Variants in DCLRE1A observed in about 807,000 individuals in gnomAD.
DCLRE1A encodes the protein DNA cross-link repair 1A protein.
Under a neutral mutation model 91.9 loss-of-function variants are expected in DCLRE1A, and 64 were observed. The ratio of observed to expected loss-of-function variants is 0.70; its 90% CI spans 0.57 to 0.86. The LOEUF (loss-of-function observed/expected upper bound fraction) is 0.86. Among genes scored for constraint, DCLRE1A ranks in the 40% least tolerant of loss-of-function variants. The probability of loss-of-function intolerance (pLI) is 0.00; values close to 1 mark genes in which losing one functional copy is unlikely to be tolerated. For synonymous variants in DCLRE1A, 416 were observed against 431.1 expected, an observed-to-expected ratio of 0.96 and a Z score of 0.43; for missense variants, 1,145 against 1,213.3, an observed-to-expected ratio of 0.94 and a Z score of 0.84.
intron 4 of DCLRE1A, among the ~76,000 whole-genome samples, chr10:113,844,889 C>T (rs1423861372): frequency 1.3e-5 from 2 of 150,616 alleles, no homozygotes; most frequent in Non-Finnish European, 2.9e-5. Context: ...TGAGCTGAGG[C>T]TGTGCCATTG....
At chr10:113,840,671 C>T (rs1593071510) in intron 7 of DCLRE1A, among the ~76,000 whole-genome samples, 1 of 152,220 alleles carries the variant, frequency 6.6e-6, no homozygotes, top group South Asian at 2.1e-4. Context: ...ATGCTCTAGT[C>T]TTCCTGTCTC....
chr10:113,842,253 A>G (rs1339378767), intron 6 of DCLRE1A, 90 bp downstream of exon 6: 1 of 1,105,370 alleles, frequency 9.0e-7, no homozygotes, highest in East Asian at 2.7e-5. Context: ...ATAATTATCA[A>G]ATGCAAGAGT....
rs1193567588 is a variant in DCLRE1A, at chr10:113,853,287, A to G, written c.-105T>C. Reference sequence around the variant, plus strand: ...TAGAATTATTTTGCTGAGAAAAAAAACAAAGGTAACAAAACCCCCACCAAC... The same window carrying G: ...TAGAATTATTTTGCTGAGAAAAAAAGCAAAGGTAACAAAACCCCCACCAAC... On this transcript the variant is annotated 5_prime_UTR_variant, in exon 1 of 9. Coordinates refer to ENST00000361384, the MANE Select transcript of DCLRE1A (RefSeq NM_014881.5). 2.7e-6 allele frequency: 3 copies of G among 1,125,726 alleles called. No individual in the cohort carries two copies. Among genetic ancestry groups the G allele is most frequent in the Non-Finnish European group, 3.6e-6 (3 of 824,182 alleles). 69.7% of individuals were successfully genotyped at this position (1,125,726 alleles called of 1,614,324 possible). A position where few individuals can be genotyped will look rare whatever the true frequency, so the allele number is the denominator to read the frequency against.
rs1220948405 is a variant in DCLRE1A at position 113,853,209 on chromosome 10, G to A, written c.-27C>T. 1.3e-6 allele frequency: 2 copies of A among 1,491,120 alleles called. No individual in the cohort carries two copies. The highest frequency in any genetic ancestry group is 1.4e-5 in the African/African-American group (1 of 71,328). 92.4% of individuals were successfully genotyped at this position (1,491,120 alleles called of 1,614,324 possible). On this transcript the variant is annotated 5_prime_UTR_variant, in exon 1 of 9. Coordinates refer to ENST00000361384, the MANE Select transcript of DCLRE1A (RefSeq NM_014881.5). ...GCAAAATGATTTTATCATTCAAGAA[G>A]TATTAATCTTAAGTAAACTGAAAGT...
Position 113,850,659 on chromosome 10 carries a change from A to G in DCLRE1A, c.461-15T>C. 6.4e-7 allele frequency: 1 copy of G among 1,554,152 alleles called. No homozygotes were observed. Among genetic ancestry groups the G allele is most frequent in the Admixed American group, 2.0e-5 (1 of 50,706 alleles). On this transcript the variant is annotated splice_polypyrimidine_tract_variant and intron_variant, in intron 1 of 8. Coordinates refer to ENST00000361384, the MANE Select transcript of DCLRE1A (RefSeq NM_014881.5). Reference sequence around the variant, plus strand: ...ATCAGGACACTCTGAAATTTTAATAAAGAAAAAATATTACACGATCAAAGC... The same window carrying G: ...ATCAGGACACTCTGAAATTTTAATAGAGAAAAAATATTACACGATCAAAGC...
At chr10:113,848,239 C>G (rs1845573834) in intron 2 of DCLRE1A, among the ~76,000 whole-genome samples, 1 of 151,888 alleles carries the variant, frequency 6.6e-6, no homozygotes, top group East Asian at 1.9e-4. Context: ...ATGGCATGAA[C>G]TCGGGAGGTG....
rs1287758100 is a variant in DCLRE1A, at chr10:113,853,646, C to A, written c.-464G>T. The A allele has an allele frequency of 6.4e-6, 1 of 155,146 alleles. No individual in the cohort carries two copies. Among genetic ancestry groups the A allele is most frequent in the East Asian group, 1.9e-4 (1 of 5,262 alleles). The allele number at this position is 155,146 out of a possible 1,614,324, so 9.6% of individuals were successfully genotyped here. A position where few individuals can be genotyped will look rare whatever the true frequency, so the allele number is the denominator to read the frequency against. On this transcript the variant is annotated 5_prime_UTR_variant, in exon 1 of 9. Coordinates refer to ENST00000361384, the MANE Select transcript of DCLRE1A (RefSeq NM_014881.5). ...CCGTCCAAATAATTCATAAATCCAA[C>A]CACAGTCCCTGGACAAAGGGCTTAA... is the stretch of plus-strand genomic sequence containing the variant.
chr10:113,851,322 T>C (rs1262042331), intron 1 of DCLRE1A, among the ~76,000 whole-genome samples: 1 of 152,228 alleles, frequency 6.6e-6, no homozygotes, highest in Non-Finnish European at 1.5e-5. Context: ...AAGAGTTGTT[T>C]TTTTTCTGTA....
In DCLRE1A at chr10:113,850,652, T is replaced by C. The variant is rs765985308; in HGVS notation, c.461-8A>G. 4 of 1,563,560 alleles carry C rather than the reference T, an allele frequency of 2.6e-6. No individual in the cohort carries two copies. The highest frequency in any genetic ancestry group is 3.5e-6 in the Non-Finnish European group (4 of 1,155,368). ...GAAGACCATCAGGACACTCTGAAAT[T>C]TTAATAAAGAAAAAATATTACACGA... On this transcript the variant is annotated splice_region_variant and splice_polypyrimidine_tract_variant and intron_variant, in intron 1 of 8. Coordinates refer to ENST00000361384, the MANE Select transcript of DCLRE1A (RefSeq NM_014881.5).
At chr10:113,848,414 A>G (rs1329567651) in intron 2 of DCLRE1A, among the ~76,000 whole-genome samples, 1 of 152,206 alleles carries the variant, frequency 6.6e-6, no homozygotes, top group Non-Finnish European at 1.5e-5. Flanking sequence ...ACATAAATAC[A>G]TTGAACAAAT....
Position 113,850,494 on chromosome 10 carries a change from C to G in DCLRE1A, c.611G>C (p.Gly204Ala), listed in dbSNP as rs149405730. ...TCTTTCCTCAAGGCTACAAAGGACGCCTGACTTAGTCTCACTGAAACTGCC... is the reference window on the plus strand; with the variant it reads ...TCTTTCCTCAAGGCTACAAAGGACGGCTGACTTAGTCTCACTGAAACTGCC... ...SGGSFSETKS[G>A]VLCSLEERWS... The change falls in exon 2 of 9, where the codon GGC (glycine) becomes GCC (alanine). Residue 204 changes from glycine (G) to alanine (A), a missense_variant. Transcript: ENST00000361384. 8.7e-6 allele frequency: 14 copies of G among 1,614,078 alleles called. No homozygotes were observed. Among genetic ancestry groups the G allele is most frequent in the Non-Finnish European group, 1.0e-5 (12 of 1,179,968 alleles).
Position 113,849,324 on chromosome 10 carries a change from T to C in DCLRE1A, c.1781A>G (p.Lys594Arg), listed in dbSNP as rs749976175. ...NLNPVPSPNQKRSSQCKRKAE... is the reference protein window; with the variant it reads ...NLNPVPSPNQRRSSQCKRKAE... ...TTTCCTCTTGCACTGCGAGGACCTC[T>C]TTTGATTAGGACTTGGAACTGGATT... The change falls in exon 2 of 9, where the codon AAG (lysine) becomes AGG (arginine). Residue 594 changes from lysine (K) to arginine (R), a missense_variant. By Grantham distance (26) the Lys-to-Arg change is conservative (BLOSUM62 2). Coordinates refer to ENST00000361384, the MANE Select transcript of DCLRE1A (RefSeq NM_014881.5). The C allele has an allele frequency of 6.3e-5, 101 of 1,614,092 alleles. No homozygotes were observed. The highest frequency in any genetic ancestry group is 8.6e-5 in the Non-Finnish European group (101 of 1,180,044).
chr10:113,848,909 A>C lies in DCLRE1A; in HGVS notation c.2125+71T>G. The C allele has an allele frequency of 3.5e-6, 5 of 1,411,556 alleles. No homozygotes were observed. In the South Asian group the frequency reaches 6.8e-5, roughly 19 times the overall value. 87.4% of individuals were successfully genotyped at this position (1,411,556 alleles called of 1,614,324 possible). Reference sequence around the variant, plus strand: ...TTGTCTCATACACACACACACACACAATGGGCAATAAACACAAAGTTCAAA... The same window carrying C: ...TTGTCTCATACACACACACACACACCATGGGCAATAAACACAAAGTTCAAA... On this transcript the variant is annotated intron_variant, in intron 2 of 8. Coordinates refer to ENST00000361384, the MANE Select transcript of DCLRE1A (RefSeq NM_014881.5).
chr10:113,847,422 T>C, intron 2 of DCLRE1A, 87 bp from the exon 3 acceptor site: 2 of 1,396,480 alleles, frequency 1.4e-6, no homozygotes, highest in Non-Finnish European at 1.9e-6. Context: ...CTCTATCCTC[T>C]TTACCTCTTA....
intron 2 of DCLRE1A, among the ~76,000 whole-genome samples, chr10:113,848,672 C>T (rs1226839318): frequency 1.3e-5 from 2 of 152,162 alleles, no homozygotes. Flanking sequence ...TGCCTTTCCT[C>T]CTTTCATATT....
intron 4 of DCLRE1A, 106 bp from the exon 5 acceptor site, chr10:113,844,350 T>A: frequency 7.1e-7 from 1 of 1,408,770 alleles, no homozygotes; most frequent in South Asian, 1.4e-5. Context: ...CTGACCACAA[T>A]GACATAGCAT....
intron 3 of DCLRE1A, among the ~76,000 whole-genome samples, chr10:113,846,846 C>A (rs1035232286): frequency 8.6e-5 from 13 of 151,802 alleles, no homozygotes; most frequent in Admixed American, 5.2e-4. Context: ...TGAATCTTTT[C>A]GGTTGCGGTT....
In DCLRE1A at chr10:113,842,483, C is replaced by T. The variant is rs1425571946; in HGVS notation, c.2525G>A (p.Cys842Tyr). The stretch of plus-strand genomic sequence containing the variant: ...AGATGGAAAGGTGTATTCTGGGCTA[C>T]AATATCTGTGGTATGGAAACATGGT... ...VHMLYLDTTY[C>Y]SPEYTFPSQQ... The change falls in exon 6 of 9, where the codon TGT (cysteine) becomes TAT (tyrosine). Residue 842 changes from cysteine to tyrosine, a missense_variant. Coordinates refer to ENST00000361384, the MANE Select transcript of DCLRE1A (RefSeq NM_014881.5). 6.2e-7 allele frequency: 1 copy of T among 1,611,874 alleles called. No homozygotes were observed. The highest frequency in any genetic ancestry group is 1.7e-5 in the Admixed American group (1 of 59,962).
Position 113,853,451 on chromosome 10 carries a change from A to G in DCLRE1A, c.-269T>C. 1 of 331,936 alleles carries G rather than the reference A, an allele frequency of 3.0e-6. No homozygotes were observed. The highest frequency in any genetic ancestry group is 6.7e-5 in the South Asian group (1 of 14,988). The allele number at this position is 331,936 out of a possible 1,614,324, so 20.6% of individuals were successfully genotyped here. The stretch of plus-strand genomic sequence containing the variant: ...AGGAGTAGCAACTGTGAAGTTCTCC[A>G]TTATGGGTGCTATTTCATTCAAATA... On this transcript the variant is annotated 5_prime_UTR_variant, in exon 1 of 9. An upstream start codon of the reference 5' UTR is lost. Coordinates refer to ENST00000361384, the MANE Select transcript of DCLRE1A (RefSeq NM_014881.5).
Sources: gnomAD v4.1 joint callset for allele counts (sites outside exome capture counted in the v4.1 genomes callset) on GRCh38, gnomAD v4.1.1 for gene constraint, MANE v1.5 for transcripts, NCBI Gene and HGNC (gene_info 2026-07-23, HGNC 2026-07-21) for gene names.